KAZN: variants seen among roughly 807,000 people sequenced by gnomAD.
The protein encoded by KAZN is kazrin, periplakin interacting protein.
KAZN carries 40 observed loss-of-function variants against 87.4 expected under a neutral mutation model. The observed-to-expected ratio is 0.46, with a 90% CI of 0.36 to 0.60. The LOEUF (loss-of-function observed/expected upper bound fraction) is 0.60. Ranked by LOEUF, KAZN falls within the 20% of genes least tolerant of loss-of-function variation. The pLI is 0.00. For synonymous variants in KAZN, 466 were observed against 458.3 expected (o/e 1.02, Z -0.22); for missense variants, 898 against 1,073.9 (o/e 0.84, Z 2.29).
At chr1:14,327,682 A>T (rs766530973) in intron 2 of KAZN, among the ~76,000 whole-genome samples, 6 of 151,894 alleles carry the variant, frequency 4.0e-5, no homozygotes, top group Non-Finnish European at 8.8e-5. Flanking sequence ...TGGTAGACTG[A>T]CTCTCCTCAT....
intron 1 of KAZN, among the ~76,000 whole-genome samples, chr1:14,083,049 G>A (rs55889542): frequency 0.049 from 7,419 of 152,194 alleles, 248 homozygotes; most frequent in Non-Finnish European, 0.077. Context: ...AAAATTAGCC[G>A]GGTGTGGTGG....
At chr1:14,948,990 C>A (rs1367244188) in intron 1 of KAZN, among the ~76,000 whole-genome samples, 22 of 151,958 alleles carry the variant, frequency 1.4e-4, no homozygotes, top group Non-Finnish European at 2.9e-5. Context: ...AATGCTGTCT[C>A]TACAAAAAAT....
chr1:14,696,973 G>A (rs928788885), intron 1 of KAZN, among the ~76,000 whole-genome samples: 1 of 151,940 alleles, frequency 6.6e-6, no homozygotes, highest in Admixed American at 6.6e-5. Context: ...GACGTTTCCT[G>A]GGAGTCAACA....
intron 1 of KAZN, among the ~76,000 whole-genome samples, chr1:14,848,821 C>T (rs557095675): frequency 6.6e-6 from 1 of 152,362 alleles, no homozygotes; most frequent in Non-Finnish European, 1.5e-5. Context: ...CCTCGGGCTG[C>T]ACCAAGGCGG....
At chr1:14,975,110 G>T (rs1665463916) in intron 2 of KAZN, among the ~76,000 whole-genome samples, 1 of 152,188 alleles carries the variant, frequency 6.6e-6, no homozygotes, top group Non-Finnish European at 1.5e-5. Context: ...AGGGGACCCG[G>T]CCCCAGATGG....
At chr1:14,119,696 A>G (rs1290227364) in intron 1 of KAZN, among the ~76,000 whole-genome samples, 1 of 152,186 alleles carries the variant, frequency 6.6e-6, no homozygotes, top group Non-Finnish European at 1.5e-5. Flanking sequence ...GTCTGTCTAT[A>G]AGTGTCTCAA....
intron 2 of KAZN, among the ~76,000 whole-genome samples, chr1:14,395,725 C>T (rs1432093148): frequency 1.3e-5 from 2 of 152,142 alleles, no homozygotes; most frequent in Non-Finnish European, 2.9e-5. Context: ...AGATGCAGCA[C>T]GGACTTGGCG....
Position 13,946,941 on chromosome 1 carries a change from G to T in KAZN, c.91+53185G>T, listed in dbSNP as rs188411949. Among the ~76,000 whole-genome samples the T allele has an allele frequency of 8.5e-5, 13 of 152,244 alleles. No homozygotes were observed. The East Asian group carries it at 2.3e-3, about 27-fold the overall frequency. ...TGGAAGCCGGATGTCCAAAATTAAG[G>T]TATCAGTGGGGCTGCATTCTCTCTG... is the stretch of plus-strand genomic sequence containing the variant. On this transcript the variant is annotated intron_variant, in intron 1 of 16. Transcript: ENST00000636203.
At chr1:14,163,598 C>T (rs1451287618) in intron 1 of KAZN, among the ~76,000 whole-genome samples, 1 of 152,180 alleles carries the variant, frequency 6.6e-6, no homozygotes, top group Non-Finnish European at 1.5e-5. Context: ...AACTGCTGAT[C>T]ACCAGCTTCA....
chr1:14,170,338 T>A (rs898995177), intron 1 of KAZN, among the ~76,000 whole-genome samples: 4 of 151,980 alleles, frequency 2.6e-5, no homozygotes, highest in Non-Finnish European at 5.9e-5. Flanking sequence ...ACCTGTCTAA[T>A]CTTGTAAGTT....
chr1:14,279,761 G>C (rs760872224), intron 2 of KAZN, among the ~76,000 whole-genome samples: 1 of 152,174 alleles, frequency 6.6e-6, no homozygotes, highest in Non-Finnish European at 1.5e-5. Context: ...CATTGAGACA[G>C]GCAGAAAAAG....
At chr1:14,780,044 A>G (rs1645287061) in intron 1 of KAZN, among the ~76,000 whole-genome samples, 1 of 152,216 alleles carries the variant, frequency 6.6e-6, no homozygotes, top group Non-Finnish European at 1.5e-5. Context: ...CAACAAACGC[A>G]TGAGGTATGT....
At chr1:14,155,192 T>C (rs1645566102) in intron 1 of KAZN, among the ~76,000 whole-genome samples, 1 of 150,328 alleles carries the variant, frequency 6.7e-6, no homozygotes, top group Admixed American at 6.7e-5. Context: ...GAATTTTTAT[T>C]ACAGCTTTGA....
chr1:14,930,390 C>T (rs1257465027), intron 1 of KAZN, among the ~76,000 whole-genome samples: 1 of 152,134 alleles, frequency 6.6e-6, no homozygotes, highest in African/African-American at 2.4e-5. Flanking sequence ...ACAACAGCTG[C>T]TATTTCCCGG....
intron 2 of KAZN, among the ~76,000 whole-genome samples, chr1:14,219,816 A>G (rs1647052794): frequency 6.6e-6 from 1 of 152,190 alleles, no homozygotes; most frequent in South Asian, 2.1e-4. Flanking sequence ...AAAACCATCA[A>G]TTCACATTAA....
chr1:14,205,397 A>G (rs1557559280), intron 2 of KAZN, among the ~76,000 whole-genome samples: 1 of 152,204 alleles, frequency 6.6e-6, no homozygotes, highest in Admixed American at 6.5e-5. Flanking sequence ...AGAGGTAATA[A>G]AAATGTTCAC....
chr1:14,902,295 G>A (rs1372573184), intron 1 of KAZN, among the ~76,000 whole-genome samples: 5 of 151,326 alleles, frequency 3.3e-5, no homozygotes, highest in African/African-American at 9.7e-5. Context: ...GCTCGATCTC[G>A]GCTCACAGCA....
intron 1 of KAZN, among the ~76,000 whole-genome samples, chr1:14,944,776 A>G (rs961055078): frequency 6.6e-6 from 1 of 152,238 alleles, no homozygotes; most frequent in Admixed American, 6.5e-5. Context: ...AGAAGTGAGC[A>G]CTTGGAAGGA....
chr1:14,225,791 T>G (rs1056401589), intron 2 of KAZN, among the ~76,000 whole-genome samples: 1 of 152,146 alleles, frequency 6.6e-6, no homozygotes, highest in African/African-American at 2.4e-5. Context: ...GGTACTGGAA[T>G]AATTGGCCAG....
Sources: allele counts gnomAD v4.1 joint callset (sites outside exome capture counted in the v4.1 genomes callset), GRCh38; gene constraint gnomAD v4.1.1; transcripts MANE v1.5; gene names NCBI Gene and HGNC (gene_info 2026-07-23, HGNC 2026-07-21).